MGMT: variants seen among roughly 807,000 people sequenced by gnomAD.
MGMT encodes the protein O-6-methylguanine-DNA methyltransferase.
Under a neutral mutation model 15.9 loss-of-function variants are expected in MGMT, and 14 were observed. The observed-to-expected ratio is 0.88, with a 90% confidence interval of 0.58 to 1.37. The LOEUF is 1.37. MGMT is among the 40% of genes most tolerant of loss of function. MGMT has a pLI of 0.00. For missense variants in MGMT, 282 were observed against 268.1 expected (o/e 1.05, Z -0.36); for synonymous variants, 130 against 118.2 (o/e 1.10, Z -0.65).
intron 1 of MGMT, among the ~76,000 whole-genome samples, chr10:129,479,556 A>G (rs557060564): frequency 1.6e-4 from 25 of 152,354 alleles, no homozygotes; most frequent in Admixed American, 5.2e-4. Flanking sequence ...AACGTCTCCC[A>G]AAGAGAATCA....
chr10:129,529,119 C>A (rs560322153), intron 1 of MGMT, among the ~76,000 whole-genome samples: 2 of 150,174 alleles, frequency 1.3e-5, no homozygotes, highest in Non-Finnish European at 3.0e-5. Context: ...GGAGACAGAG[C>A]GGTAGAGCGG....
chr10:129,764,468 G>A (rs760104255), intron 4 of MGMT, among the ~76,000 whole-genome samples: 1 of 152,230 alleles, frequency 6.6e-6, no homozygotes, highest in Non-Finnish European at 1.5e-5. Flanking sequence ...CTCAGGGGAT[G>A]CAAAAGTAGC....
intron 3 of MGMT, among the ~76,000 whole-genome samples, chr10:129,747,469 T>C (rs775895133): frequency 7.2e-5 from 11 of 152,222 alleles, no homozygotes; most frequent in Non-Finnish European, 1.2e-4. Context: ...GATATTAATA[T>C]GATAGCTATT....
intron 2 of MGMT, among the ~76,000 whole-genome samples, chr10:129,651,664 C>G (rs1294683085): frequency 1.3e-5 from 2 of 152,040 alleles, no homozygotes; most frequent in South Asian, 4.2e-4. Context: ...AGAATCCATA[C>G]CGGTCGTTTG....
Position 129,533,744 on chromosome 10 carries a change from G to T in MGMT, c.-12-2497G>T, listed in dbSNP as rs939627415. Among the ~76,000 whole-genome samples the T allele has an allele frequency of 1.2e-4, 18 of 152,284 alleles. No homozygotes were observed. In the East Asian group the frequency reaches 2.1e-3, roughly 18 times the overall value. ...TGTGATGTGTGCTGTTCTTCAGGGAGCCCTGAGCAGAGCTGCCAGCATCCT... is the reference window on the plus strand; with the variant it reads ...TGTGATGTGTGCTGTTCTTCAGGGATCCCTGAGCAGAGCTGCCAGCATCCT... On this transcript the variant is annotated intron_variant, in intron 1 of 4. Coordinates refer to ENST00000651593, the MANE Select transcript of MGMT (RefSeq NM_002412.5). The surrounding 1 kb of genome is among the most constrained non-coding windows in gnomAD (Gnocchi z 4.5).
At chr10:129,627,426 AG>A (rs754631135) in intron 2 of MGMT, among the ~76,000 whole-genome samples, 6,842 of 117,558 alleles carry the variant, frequency 0.058, 406 homozygotes, top group African/African-American at 0.15. Context: ...AAAAAAAGAA[AG>A]AAAGAAAAAA....
chr10:129,762,785 G>T (rs775042530), intron 4 of MGMT, among the ~76,000 whole-genome samples: 1 of 152,084 alleles, frequency 6.6e-6, no homozygotes, highest in Non-Finnish European at 1.5e-5. Context: ...CCCGTCACCC[G>T]GATGGCTGCT....
rs185318892 is a variant in MGMT at position 129,481,216 on chromosome 10, G to A, written c.-13+13920G>A. On this transcript the variant is annotated intron_variant, in intron 1 of 4. Transcript: ENST00000651593. Reference sequence around the variant, plus strand: ...TAGTTTGTGCAGGTGCCCTTTAGCAGATGGGGGATGTTTTACTCTTTTCTG... The same window carrying A: ...TAGTTTGTGCAGGTGCCCTTTAGCAAATGGGGGATGTTTTACTCTTTTCTG... Among the ~76,000 whole-genome samples, 239 of 152,342 alleles carry A rather than the reference G, an allele frequency of 1.6e-3. 1 individual carries two copies. The highest frequency in any genetic ancestry group is 1.3e-3 in the Non-Finnish European group (91 of 68,034).
At chr10:129,720,502 GA>G (rs1589957192) in intron 3 of MGMT, among the ~76,000 whole-genome samples, 2 of 152,314 alleles carry the variant, frequency 1.3e-5, no homozygotes, top group East Asian at 3.9e-4. Flanking sequence ...GCTGGTTCCT[GA>G]GTACCAGGAG....
chr10:129,488,346 C>T (rs1054239544), intron 1 of MGMT, among the ~76,000 whole-genome samples: 23 of 152,268 alleles, frequency 1.5e-4, no homozygotes, highest in Middle Eastern at 3.4e-3. Context: ...AGCATCTTTT[C>T]GTGTTGCCAT....
intron 2 of MGMT, among the ~76,000 whole-genome samples, chr10:129,554,130 G>A (rs569861756): frequency 5.3e-5 from 8 of 152,326 alleles, no homozygotes; most frequent in East Asian, 3.9e-4. Flanking sequence ...CCCTGTGGCC[G>A]GCCAGGCCGC....
intron 3 of MGMT, among the ~76,000 whole-genome samples, chr10:129,753,835 A>T (rs1848776115): frequency 6.6e-6 from 1 of 152,066 alleles, no homozygotes; most frequent in Non-Finnish European, 1.5e-5. Flanking sequence ...GATTATTTGC[A>T]TGCTTGGTAA....
At chr10:129,591,211 T>A (rs1160944292) in intron 2 of MGMT, among the ~76,000 whole-genome samples, 5 of 152,172 alleles carry the variant, frequency 3.3e-5, no homozygotes, top group African/African-American at 1.2e-4. Flanking sequence ...TCAAATATTG[T>A]CCATTTTTAA....
intron 2 of MGMT, among the ~76,000 whole-genome samples, chr10:129,614,253 G>T (rs1027743001): frequency 6.6e-6 from 1 of 152,130 alleles, no homozygotes; most frequent in Non-Finnish European, 1.5e-5. Context: ...CGTGTCAAAA[G>T]GTCCTTCCTT....
intron 2 of MGMT, among the ~76,000 whole-genome samples, chr10:129,593,120 T>G (rs1216854196): frequency 6.6e-6 from 1 of 152,130 alleles, no homozygotes; most frequent in African/African-American, 2.4e-5. Flanking sequence ...AAGCCGTTTC[T>G]TCTCAGGGCT....
At chr10:129,579,019 G>C (rs999988290) in intron 2 of MGMT, among the ~76,000 whole-genome samples, 1 of 152,194 alleles carries the variant, frequency 6.6e-6, no homozygotes, top group Non-Finnish European at 1.5e-5. Context: ...GTGTACATTA[G>C]ATACGACTTC....
At chr10:129,671,033 A>G (rs372703146) in intron 2 of MGMT, among the ~76,000 whole-genome samples, 7 of 152,168 alleles carry the variant, frequency 4.6e-5, no homozygotes, top group African/African-American at 1.7e-4. Context: ...TTCTGCCTGA[A>G]GAATACCTTT....
rs966509187 is a variant in MGMT at position 129,504,635 on chromosome 10, C to T, written c.-12-31606C>T. Among the ~76,000 whole-genome samples, 32 of 152,160 alleles carry T rather than the reference C, an allele frequency of 2.1e-4. 1 individual carries two copies. The highest frequency in any genetic ancestry group is 1.5e-5 in the Non-Finnish European group (1 of 68,026). On this transcript the variant is annotated intron_variant, in intron 1 of 4. Coordinates refer to ENST00000651593, the MANE Select transcript of MGMT (RefSeq NM_002412.5). ...AGTGCTTTCAAATTCTCAATAACCC[C>T]CTCTTGAGAAGGACTAGAGAGGATG...
At chr10:129,634,828 C>T (rs982477358) in intron 2 of MGMT, among the ~76,000 whole-genome samples, 4 of 152,120 alleles carry the variant, frequency 2.6e-5, no homozygotes, top group African/African-American at 4.8e-5. Context: ...TGTATTTCTT[C>T]GTAATGGATC....
Sources: gnomAD v4.1 joint callset for allele counts (sites outside exome capture counted in the v4.1 genomes callset) on GRCh38, gnomAD v4.1.1 for gene constraint, Gnocchi (gnomAD v3.1) non-coding constraint, MANE v1.5 for transcripts, NCBI Gene and HGNC (gene_info 2026-07-23, HGNC 2026-07-21) for gene names.